ACACB: variants seen among roughly 807,000 people sequenced by gnomAD.
ACACB encodes acetyl-CoA carboxylase beta, also known as acetyl-CoA carboxylase 2.
In ACACB, 209 loss-of-function variants were observed where a neutral mutation model predicts 278.8. The ratio of observed to expected loss-of-function variants is 0.75; its 90% CI spans 0.67 to 0.84. The LOEUF is 0.84. ACACB is among the 40% of genes least tolerant of loss of function. The pLI is 0.00. For missense variants in ACACB, 2,850 were observed against 3,269.0 expected (o/e 0.87, Z 3.13); for synonymous variants, 1,174 against 1,285.6 (o/e 0.91, Z 1.86).
chr12:109,149,308 G>A (rs2043313940), intron 2 of ACACB, among the ~76,000 whole-genome samples: 1 of 152,162 alleles, frequency 6.6e-6, no homozygotes, highest in Non-Finnish European at 1.5e-5. Context: ...TGAGCTTGAG[G>A]ACATCATCTA....
intron 2 of ACACB, among the ~76,000 whole-genome samples, chr12:109,155,548 C>A (rs932793276): frequency 5.9e-5 from 9 of 151,798 alleles, no homozygotes; most frequent in African/African-American, 2.2e-4. Flanking sequence ...CATAATTCCA[C>A]CCCTGTGATG....
chr12:109,147,808 G>A (rs2043279456), intron 2 of ACACB, among the ~76,000 whole-genome samples: 1 of 152,152 alleles, frequency 6.6e-6, no homozygotes, highest in Non-Finnish European at 1.5e-5. Flanking sequence ...GGGAATGGAT[G>A]AACGAATGGA....
At position 109,139,741 on chromosome 12, in the gene ACACB, C is replaced by T. The variant is rs1432557192; in HGVS notation, c.336C>T (p.Ser112=). The change falls in exon 2 of 53, where the codon TCC becomes TCT. Residue 112 remains serine, a synonymous_variant. Transcript: ENST00000338432. The part of the protein sequence containing the change: ...NPLSSSDAAP[S]PELQANGTGT... ...TTTCTTCCAGTGACGCAGCACCCTC[C>T]CCAGAGCTTCAAGCCAACGGGACTG... is the stretch of plus-strand genomic sequence containing the variant. 1 of 1,614,078 alleles carries T rather than the reference C, an allele frequency of 6.2e-7. No individual in the cohort carries two copies. Among genetic ancestry groups the T allele is most frequent in the African/African-American group, 1.3e-5 (1 of 74,938 alleles).
At chr12:109,134,518 T>C (rs2042921990) in intron 1 of ACACB, among the ~76,000 whole-genome samples, 1 of 152,164 alleles carries the variant, frequency 6.6e-6, no homozygotes, top group Admixed American at 6.5e-5. Context: ...AATTTCAAAA[T>C]TTTTCCTGAG....
At chr12:109,161,073 G>T (rs142594985) in intron 2 of ACACB, among the ~76,000 whole-genome samples, 1 of 152,134 alleles carries the variant, frequency 6.6e-6, no homozygotes, top group Non-Finnish European at 1.5e-5. Context: ...TGGGAATGTC[G>T]ATTAGTACAA....
At chr12:109,138,425 C>A (rs2043021223) in intron 1 of ACACB, among the ~76,000 whole-genome samples, 1 of 152,102 alleles carries the variant, frequency 6.6e-6, no homozygotes, top group Non-Finnish European at 1.5e-5. Context: ...TGTAAGCATA[C>A]CCCACACTGG....
intron 37 of ACACB, 32 bp downstream of exon 37, chr12:109,242,624 TG>T: frequency 6.2e-7 from 1 of 1,611,528 alleles, no homozygotes. Context: ...CGGTACCCCC[TG>T]GGTCCTCCCA....
At position 109,179,978 on chromosome 12, in the gene ACACB, A is replaced by G. The variant is rs145285048; in HGVS notation, c.1709A>G (p.Tyr570Cys). The G allele has an allele frequency of 5.1e-4, 823 of 1,614,040 alleles. No individual in the cohort carries two copies. The highest frequency in any genetic ancestry group is 6.5e-4 in the Non-Finnish European group (763 of 1,180,020). Residue 570 changes from tyrosine to cysteine, a missense_variant, in exon 11 of 53, where the codon TAT becomes TGT. By Grantham distance (194) the Tyr-to-Cys change is radical. Transcript: ENST00000338432. The stretch of plus-strand genomic sequence containing the variant: ...AGTGCAGGGACAGTGGAATACCTCT[A>G]TAGTCAGGATGGCAGCTTCCACTTC... ...YVSAGTVEYL[Y>C]SQDGSFHFLE...
chr12:109,259,563 C>CAA (rs567756898), intron 47 of ACACB, among the ~76,000 whole-genome samples: 9 of 118,994 alleles, frequency 7.6e-5, no homozygotes, highest in African/African-American at 2.5e-4. Flanking sequence ...ACCCCCATCT[C>CAA]AAAAAAAAAA....
At chr12:109,183,086 A>G (rs1356488836) in intron 11 of ACACB, among the ~76,000 whole-genome samples, 2 of 152,132 alleles carry the variant, frequency 1.3e-5, no homozygotes, top group East Asian at 3.9e-4. Flanking sequence ...AAATCAGTTC[A>G]CTGTAGATGT....
chr12:109,235,042 A>G (rs1337469794), intron 31 of ACACB, among the ~76,000 whole-genome samples: 1 of 152,072 alleles, frequency 6.6e-6, no homozygotes, highest in African/African-American at 2.4e-5. Context: ...AAAACCCTGT[A>G]CCTGTTAGCA....
intron 44 of ACACB, among the ~76,000 whole-genome samples, chr12:109,254,708 A>G (rs563129813): frequency 2.6e-5 from 4 of 151,912 alleles, no homozygotes; most frequent in Non-Finnish European, 4.4e-5. Context: ...AGAAGACTGC[A>G]TCTTTCTCTT....
intron 37 of ACACB, among the ~76,000 whole-genome samples, chr12:109,243,946 G>A (rs1337938075): frequency 6.6e-6 from 1 of 151,358 alleles, no homozygotes; most frequent in Non-Finnish European, 1.5e-5. Flanking sequence ...TGTGCACAAT[G>A]TGCAGGTTTG....
At chr12:109,199,114 C>T (rs1035050455) in intron 17 of ACACB, among the ~76,000 whole-genome samples, 10 of 151,624 alleles carry the variant, frequency 6.6e-5, no homozygotes, top group African/African-American at 1.2e-4. Flanking sequence ...GGCGTGAACC[C>T]GGGAGGCGGA....
At chr12:109,214,921 A>G (rs1433636339) in intron 22 of ACACB, among the ~76,000 whole-genome samples, 1 of 152,120 alleles carries the variant, frequency 6.6e-6, no homozygotes, top group Non-Finnish European at 1.5e-5. Flanking sequence ...AATATGGTGA[A>G]ACCCTGTCTA....
rs534148930 is a variant in ACACB, at chr12:109,178,692, G to C, written c.1438-396G>C. On this transcript the variant is annotated intron_variant, in intron 9 of 52. Coordinates refer to ENST00000338432, the MANE Select transcript of ACACB (RefSeq NM_001093.4). ...TTTATTGGAGGAAGTATGAAAATAT[G>C]TTGCAAGATTGCAACAGGCAGCACA... 7.2e-5 allele frequency among the ~76,000 whole-genome samples: 11 copies of C among 152,346 alleles called. No individual in the cohort carries two copies. The South Asian group carries it at 1.7e-3, about 23-fold the overall frequency.
At chr12:109,181,383 A>G (rs1240147969) in intron 11 of ACACB, among the ~76,000 whole-genome samples, 1 of 152,050 alleles carries the variant, frequency 6.6e-6, no homozygotes, top group Admixed American at 6.6e-5. Context: ...GCACACTACT[A>G]TGCCCAGCTA....
rs111403940 is a variant in ACACB at position 109,185,690 on chromosome 12, G to C, written c.1930G>C (p.Ala644Pro). 1 of 1,613,220 alleles carries C rather than the reference G, an allele frequency of 6.2e-7. No homozygotes were observed. The highest frequency in any genetic ancestry group is 1.3e-5 in the African/African-American group (1 of 74,918). Residue 644 changes from alanine to proline, a missense_variant, in exon 12 of 53, where the codon GCC (alanine) becomes CCC (proline). Coordinates refer to ENST00000338432, the MANE Select transcript of ACACB (RefSeq NM_001093.4). ...TGAAACCCCCTCAAACCCTCCCCTC[G>C]CCCGAGGCCACGTCATTGCCGCCAG... ...SFETPSNPPL[A>P]RGHVIAARIT...
At chr12:109,232,522 C>T in intron 28 of ACACB, 147 bp from the exon 29 acceptor site, 1 of 984,932 alleles carries the variant, frequency 1.0e-6, no homozygotes, top group Non-Finnish European at 1.5e-6. Context: ...CGGCCCCAGC[C>T]ATTGTCTCAT....
Sources: gnomAD v4.1 joint callset for allele counts (sites outside exome capture counted in the v4.1 genomes callset) on GRCh38, gnomAD v4.1.1 for gene constraint, MANE v1.5 for transcripts, NCBI Gene and HGNC (gene_info 2026-07-23, HGNC 2026-07-21) for gene names.